ANAPC1: variants seen among roughly 807,000 people sequenced by gnomAD.
The protein encoded by ANAPC1 is anaphase promoting complex subunit 1.
Under a neutral mutation model 208.0 loss-of-function variants are expected in ANAPC1, and 36 were observed. That is an observed-to-expected ratio of 0.17 (90% CI 0.13 to 0.23). ANAPC1 has a LOEUF of 0.23. Ranked by LOEUF, ANAPC1 falls within the 10% of genes least tolerant of loss-of-function variation. The pLI, the probability that ANAPC1 is intolerant of heterozygous loss-of-function variation, is 1.00. For missense variants in ANAPC1, 942 were observed against 2,011.6 expected, an observed-to-expected ratio of 0.47 and a Z score of 10.17; for synonymous variants, 378 against 695.2, an observed-to-expected ratio of 0.54 and a Z score of 7.18.
intron 37 of ANAPC1, among the ~76,000 whole-genome samples, chr2:111,793,419 C>G (rs1677998653): frequency 6.6e-6 from 1 of 151,664 alleles, no homozygotes; most frequent in African/African-American, 2.4e-5. Flanking sequence ...GAGATGGGGT[C>G]TCCCTATGTT....
At chr2:111,808,345 A>G (rs1266673113) in intron 29 of ANAPC1, among the ~76,000 whole-genome samples, 1 of 152,214 alleles carries the variant, frequency 6.6e-6, no homozygotes, top group Non-Finnish European at 1.5e-5. Flanking sequence ...TGCCAATAGC[A>G]TTTCCATTTG....
intron 6 of ANAPC1, among the ~76,000 whole-genome samples, chr2:111,869,721 T>G (rs2104582760): frequency 6.6e-6 from 1 of 152,324 alleles, no homozygotes; most frequent in African/African-American, 2.4e-5. Flanking sequence ...CACTAACGGT[T>G]GAGCAACCCT....
chr2:111,865,888 C>T (rs1394880866), intron 7 of ANAPC1: 2 of 251,896 alleles, frequency 7.9e-6, no homozygotes, highest in Non-Finnish European at 1.6e-5. Context: ...CCGACGTGTG[C>T]CCAAGGACAA....
At chr2:111,838,624 C>T (rs1288697091) in intron 17 of ANAPC1, 112 bp from the exon 18 acceptor site, 28 of 759,436 alleles carry the variant, frequency 3.7e-5, no homozygotes, top group Non-Finnish European at 5.6e-5. Context: ...TGAGAAAAGC[C>T]ATCAAAACTC....
At position 111,854,146 on chromosome 2, in the gene ANAPC1, G is replaced by A. The variant is rs181393092; in HGVS notation, c.1515+2468C>T. Among the ~76,000 whole-genome samples the A allele has an allele frequency of 3.5e-3, 536 of 152,268 alleles. 7 individuals carry two copies. Among genetic ancestry groups the A allele is most frequent in the African/African-American group, 0.012 (485 of 41,544 alleles). ...CTCCTTCACAGGCTGCAGAACAGATGTGTCAGCAGGCATGAAAACAACATT... is the reference window on the plus strand; with the variant it reads ...CTCCTTCACAGGCTGCAGAACAGATATGTCAGCAGGCATGAAAACAACATT... On this transcript the variant is annotated intron_variant, in intron 13 of 47. Transcript: ENST00000341068.
At chr2:111,840,124 TTAACCCCAAATGCAACTG>T (rs1399020744) in intron 17 of ANAPC1, among the ~76,000 whole-genome samples, 1 of 152,144 alleles carries the variant, frequency 6.6e-6, no homozygotes, top group African/African-American at 2.4e-5. Context: ...CCACAAAAAG[TTAACCCCAAATGCAACTG>T]TTCCTACAAT....
chr2:111,810,417 T>C (rs1678913840), intron 28 of ANAPC1, among the ~76,000 whole-genome samples: 1 of 152,142 alleles, frequency 6.6e-6, no homozygotes, highest in East Asian at 1.9e-4. Context: ...ACTCTGTGAA[T>C]ACACTAAAAA....
chr2:111,774,197 C>A (rs1676890615), intron 46 of ANAPC1, among the ~76,000 whole-genome samples: 1 of 151,132 alleles, frequency 6.6e-6, no homozygotes, highest in Non-Finnish European at 1.5e-5. Flanking sequence ...AAAGGGTCAA[C>A]AAAGGAGTGA....
At chr2:111,883,354 T>TA (rs1683423855) in intron 1 of ANAPC1, among the ~76,000 whole-genome samples, 1 of 152,126 alleles carries the variant, frequency 6.6e-6, no homozygotes, top group South Asian at 2.1e-4. Flanking sequence ...ACAGAATTGT[T>TA]AAAGAATTAT....
intron 17 of ANAPC1, among the ~76,000 whole-genome samples, chr2:111,839,566 A>G (rs992379108): frequency 1.3e-5 from 2 of 152,228 alleles, no homozygotes; most frequent in African/African-American, 2.4e-5. Flanking sequence ...AAAACTAAAC[A>G]TAGGTAGCAA....
intron 45 of ANAPC1, among the ~76,000 whole-genome samples, chr2:111,778,264 C>T (rs1181540534): frequency 6.6e-6 from 1 of 152,224 alleles, no homozygotes; most frequent in African/African-American, 2.4e-5. Flanking sequence ...TAACCTCTTG[C>T]AAGCTTTATC....
intron 46 of ANAPC1, among the ~76,000 whole-genome samples, chr2:111,775,900 C>A (rs1440768037): frequency 6.6e-6 from 1 of 152,276 alleles, no homozygotes; most frequent in Non-Finnish European, 1.5e-5. Context: ...ATCTTTGAAT[C>A]TGAACAGGAA....
At chr2:111,832,144 T>C (rs1227223530) in intron 20 of ANAPC1, among the ~76,000 whole-genome samples, 1 of 149,894 alleles carries the variant, frequency 6.7e-6, no homozygotes. Flanking sequence ...AATACAAAAA[T>C]TAGCCAGGCG....
At chr2:111,873,571 G>A in intron 4 of ANAPC1, 42 bp downstream of exon 4, 2 of 1,514,200 alleles carry the variant, frequency 1.3e-6, no homozygotes, top group East Asian at 2.4e-5. Flanking sequence ...ATAAATATTT[G>A]GAATCATCAT....
At chr2:111,838,152 TA>T (rs1460484732) in intron 18 of ANAPC1, among the ~76,000 whole-genome samples, 2 of 150,074 alleles carry the variant, frequency 1.3e-5, no homozygotes, top group Non-Finnish European at 3.0e-5. Context: ...AAACACTGCA[TA>T]AAAAAGGTAA....
At chr2:111,874,788 T>C (rs905241251) in intron 3 of ANAPC1, among the ~76,000 whole-genome samples, 10 of 152,234 alleles carry the variant, frequency 6.6e-5, no homozygotes, top group Non-Finnish European at 1.3e-4. Flanking sequence ...TACCTAGAAC[T>C]GGAACTGCTG....
chr2:111,793,332 C>T (rs1677992486), intron 37 of ANAPC1, among the ~76,000 whole-genome samples: 2 of 151,110 alleles, frequency 1.3e-5, no homozygotes, highest in South Asian at 4.2e-4. Flanking sequence ...GTCAAAGGAT[C>T]CACCCACCTC....
chr2:111,829,860 G>C (rs748144162), intron 21 of ANAPC1, among the ~76,000 whole-genome samples: 4 of 151,836 alleles, frequency 2.6e-5, no homozygotes, highest in Non-Finnish European at 5.9e-5. Context: ...ACTTGAGGTT[G>C]AAAGTTCGAG....
At chr2:111,838,987 T>C (rs1680620792) in intron 17 of ANAPC1, among the ~76,000 whole-genome samples, 1 of 152,238 alleles carries the variant, frequency 6.6e-6, no homozygotes, top group Non-Finnish European at 1.5e-5. Flanking sequence ...ATCTTTTTTC[T>C]CCTCTTTCTC....
Sources: allele counts gnomAD v4.1 joint callset (sites outside exome capture counted in the v4.1 genomes callset), GRCh38; gene constraint gnomAD v4.1.1; transcripts MANE v1.5; gene names NCBI Gene and HGNC (gene_info 2026-07-23, HGNC 2026-07-21).